Variants in COL6A1 observed in about 807,000 individuals in gnomAD.
COL6A1 encodes collagen type VI alpha 1 chain, also known as collagen alpha-1(VI) chain.
COL6A1 carries 80 observed loss-of-function variants against 145.6 expected under a neutral mutation model. That is an observed-to-expected ratio of 0.55 (90% CI 0.46 to 0.66). The LOEUF (loss-of-function observed/expected upper bound fraction) is 0.66. Ranked by LOEUF, COL6A1 falls within the 30% of genes least tolerant of loss-of-function variation. COL6A1 has a pLI of 0.00. For synonymous variants in COL6A1, 638 were observed against 622.8 expected (o/e 1.02, Z -0.36); for missense variants, 1,364 against 1,473.8 (o/e 0.93, Z 1.22).
intron 27 of COL6A1, among the ~76,000 whole-genome samples, chr21:46,000,054 GT>G (rs1317196525): frequency 7.0e-6 from 1 of 142,118 alleles, no homozygotes; most frequent in Non-Finnish European, 1.5e-5. Context: ...GGGGGGACGT[GT>G]GAGGATCATG....
At position 45,999,651 on chromosome 21, in the gene COL6A1, G is replaced by A. The variant is rs200334019; in HGVS notation, c.1741-6G>A. On this transcript the variant is annotated splice_polypyrimidine_tract_variant and splice_region_variant and intron_variant, in intron 26 of 34. Coordinates refer to ENST00000361866, the MANE Select transcript of COL6A1 (RefSeq NM_001848.3). Reference sequence around the variant, plus strand: ...TCAGAGCTCCTCTACTCCGTTTCTCGGACAGGGACCCCCAGGACACCAAGG... The same window carrying A: ...TCAGAGCTCCTCTACTCCGTTTCTCAGACAGGGACCCCCAGGACACCAAGG... 75 of 1,613,344 alleles carry A rather than the reference G, an allele frequency of 4.6e-5. No individual in the cohort carries two copies. The highest frequency in any genetic ancestry group is 2.2e-5 in the East Asian group (1 of 44,826).
chr21:46,001,178 C>T, intron 29 of COL6A1, 75 bp from the exon 30 acceptor site: 1 of 1,569,350 alleles, frequency 6.4e-7, no homozygotes, highest in East Asian at 2.3e-5. Context: ...CAAGGAGGGG[C>T]CAGGGCGGTG....
chr21:45,990,458 GA>G, intron 13 of COL6A1, 36 bp downstream of exon 13: 1 of 1,238,818 alleles, frequency 8.1e-7, no homozygotes, highest in Non-Finnish European at 1.1e-6. Context: ...GGGGAGGGAC[GA>G]GGAGGAATGG....
intron 3 of COL6A1, among the ~76,000 whole-genome samples, chr21:45,984,885 G>C (rs753160003): frequency 1.3e-5 from 2 of 151,398 alleles, no homozygotes; most frequent in Non-Finnish European, 2.9e-5. Flanking sequence ...GAGGGACAGA[G>C]ACAGGCAGAG....
Position 46,004,021 on chromosome 21 carries a change from T to A in COL6A1, c.*8T>A. ...AAGGTGGCGCTGGGCTAGCCCACCC[T>A]GCACGCCGGCACCAAACCCTGTCCT... On this transcript the variant is annotated 3_prime_UTR_variant, in exon 35 of 35. Transcript: ENST00000361866. 1.9e-6 allele frequency: 3 copies of A among 1,613,008 alleles called. No individual in the cohort carries two copies. The highest frequency in any genetic ancestry group is 2.5e-6 in the Non-Finnish European group (3 of 1,179,986).
Position 45,991,017 on chromosome 21 carries a change from T to C in COL6A1, c.1095T>C (p.Gly365=), listed in dbSNP as rs1980982. Residue 365 remains glycine (G), a synonymous_variant, in exon 15 of 35, where the codon GGT becomes GGC. Transcript: ENST00000361866. ...QGPPGPKGDP[G]AFGLKGEKGE... The stretch of plus-strand genomic sequence containing the variant: ...CCCCTGGCCCCAAGGGAGACCCCGG[T>C]GCCTTTGGACTGAAAGGAGAAAAGG... 0.55 allele frequency: 888,655 copies of C among 1,612,982 alleles called. 248,265 individuals carry two copies. Among genetic ancestry groups the C allele is most frequent in the African/African-American group, 0.75 (56,594 of 74,970 alleles).
At chr21:45,993,102 A>T (rs565020459) in intron 19 of COL6A1, among the ~76,000 whole-genome samples, 1 of 152,318 alleles carries the variant, frequency 6.6e-6, no homozygotes, top group East Asian at 1.9e-4. Context: ...TCTTTGGAAT[A>T]ATTTTCCTTA....
intron 6 of COL6A1, 28 bp downstream of exon 6, chr21:45,987,203 C>T (rs187649260): frequency 1.7e-4 from 275 of 1,590,104 alleles, no homozygotes; most frequent in Non-Finnish European, 2.1e-4. Context: ...CACCCCCAGC[C>T]GTGAGTCTGC....
Position 45,994,152 on chromosome 21 carries a change from C to T in COL6A1, c.1336-15C>T, listed in dbSNP as rs201003020. On this transcript the variant is annotated splice_polypyrimidine_tract_variant and intron_variant, in intron 19 of 34. Coordinates refer to ENST00000361866, the MANE Select transcript of COL6A1 (RefSeq NM_001848.3). This position sits in a 1 kb window ranked among gnomAD's most constrained non-coding sequence, Gnocchi z 6.8. The stretch of plus-strand genomic sequence containing the variant: ...GGATGGCCCAGCTCCACACTCACGG[C>T]TCGTTTCTCTTCAGGGTGAAGCTGG... 3.2e-4 allele frequency: 508 copies of T among 1,592,160 alleles called. 2 individuals carry two copies. In the African/African-American group the frequency reaches 5.7e-3, roughly 18 times the overall value.
chr21:45,995,403 C>T (rs968111119), intron 20 of COL6A1, among the ~76,000 whole-genome samples: 3 of 152,224 alleles, frequency 2.0e-5, no homozygotes, highest in South Asian at 4.1e-4. Context: ...AGAGGCCATG[C>T]AGCCAGTGGC....
chr21:45,995,919 C>T (rs1358671366), intron 20 of COL6A1, among the ~76,000 whole-genome samples: 2 of 134,974 alleles, frequency 1.5e-5, no homozygotes, highest in African/African-American at 6.1e-5. Flanking sequence ...GTTGGGCTCC[C>T]AGCTGGCCTT....
Position 45,991,995 on chromosome 21 carries a change from C to G in COL6A1, c.1120-15C>G. The G allele has an allele frequency of 1.3e-6, 2 of 1,570,072 alleles. No homozygotes were observed. The highest frequency in any genetic ancestry group is 1.7e-6 in the Non-Finnish European group (2 of 1,158,280). ...CACCCCTGCCAGCGTGTGTGACTCCCCCGGTCTTCCCCAGGGCGAGCCTGG... is the reference window on the plus strand; with the variant it reads ...CACCCCTGCCAGCGTGTGTGACTCCGCCGGTCTTCCCCAGGGCGAGCCTGG... On this transcript the variant is annotated splice_polypyrimidine_tract_variant and intron_variant, in intron 15 of 34. Transcript: ENST00000361866.
At chr21:45,985,111 G>A (rs1317417608) in intron 3 of COL6A1, among the ~76,000 whole-genome samples, 2 of 151,274 alleles carry the variant, frequency 1.3e-5, no homozygotes, top group African/African-American at 2.4e-5. Flanking sequence ...GAGACAGAGG[G>A]GCAGAGACAG....
chr21:45,984,198 C>T (rs1256255036), intron 2 of COL6A1, 71 bp from the exon 3 acceptor site: 11 of 1,444,884 alleles, frequency 7.6e-6, no homozygotes, highest in East Asian at 2.5e-5. Flanking sequence ...TGGGTGACGT[C>T]GCGCCCTGGG....
At position 45,999,194 on chromosome 21, in the gene COL6A1, G is replaced by C; in HGVS notation, c.1716G>C (p.Gly572=). 1.2e-6 allele frequency: 2 copies of C among 1,602,968 alleles called. No homozygotes were observed. The highest frequency in any genetic ancestry group is 1.7e-6 in the Non-Finnish European group (2 of 1,175,774). ...IAPRGVKGAK[G]YRGPEGPQGP... ...CCCGAGGAGTCAAAGGAGCAAAGGG[G>C]TACCGGGGTCCCGAGGGCCCCCAGG... Residue 572 remains glycine (G), a synonymous_variant, in exon 26 of 35, where the codon GGG becomes GGC. Coordinates refer to ENST00000361866, the MANE Select transcript of COL6A1 (RefSeq NM_001848.3).
rs2077868752 is a variant in COL6A1, at chr21:46,004,351, A to C, written c.*338A>C. 2 of 413,638 alleles carry C rather than the reference A, an allele frequency of 4.8e-6. No individual in the cohort carries two copies. Among genetic ancestry groups the C allele is most frequent in the East Asian group, 4.9e-5 (1 of 20,226 alleles). The allele number at this position is 413,638 out of a possible 1,614,324, so 25.6% of individuals were successfully genotyped here. On this transcript the variant is annotated 3_prime_UTR_variant, in exon 35 of 35. Coordinates refer to ENST00000361866, the MANE Select transcript of COL6A1 (RefSeq NM_001848.3). ...TGAGCTGGCCTCACCTGGGTTCCCC[A>C]CCCCGGGCTCTCCTGCCCTGCCCTC... is the stretch of plus-strand genomic sequence containing the variant.
At chr21:45,989,307 C>A (rs2077760379) in intron 9 of COL6A1, among the ~76,000 whole-genome samples, 170 bp downstream of exon 9, 1 of 152,236 alleles carries the variant, frequency 6.6e-6, no homozygotes, top group Non-Finnish European at 1.5e-5. Flanking sequence ...TCCTTCCACA[C>A]AGCCCCCCAG....
At chr21:45,989,996 G>C (rs531356841) in intron 11 of COL6A1, among the ~76,000 whole-genome samples, 1 of 146,894 alleles carries the variant, frequency 6.8e-6, no homozygotes, top group African/African-American at 2.5e-5. Context: ...CCACCCCAGA[G>C]CAGGGGTCCC....
chr21:45,998,197 A>G (rs1188702091), intron 23 of COL6A1, 26 bp downstream of exon 23: 3 of 1,610,084 alleles, frequency 1.9e-6, no homozygotes, highest in Non-Finnish European at 2.5e-6. Context: ...CTGAGCCCAC[A>G]GGAACATGCC....
Sources: allele counts gnomAD v4.1 joint callset (sites outside exome capture counted in the v4.1 genomes callset), GRCh38; gene constraint gnomAD v4.1.1; non-coding constraint Gnocchi (gnomAD v3.1); transcripts MANE v1.5; gene names NCBI Gene and HGNC (gene_info 2026-07-23, HGNC 2026-07-21).